Variants in DNAH9 observed in about 807,000 individuals in gnomAD.
DNAH9 encodes the protein DNAH9 variant protein.
DNAH9 carries 345 observed loss-of-function variants against 471.6 expected under a neutral mutation model. That is an observed-to-expected ratio of 0.73 (90% confidence interval 0.67 to 0.80). The LOEUF is 0.80. Ranked by LOEUF, DNAH9 falls within the 30% of genes least tolerant of loss-of-function variation. The pLI, the probability that DNAH9 is intolerant of heterozygous loss-of-function variation, is 0.00. For synonymous variants in DNAH9, 2,093 were observed against 2,123.6 expected (o/e 0.99, Z 0.40); for missense variants, 5,407 against 5,609.2 (o/e 0.96, Z 1.15).
intron 36 of DNAH9, among the ~76,000 whole-genome samples, chr17:11,764,350 C>T (rs1201659440): frequency 6.6e-6 from 1 of 152,152 alleles, no homozygotes. Context: ...CTATAACTGA[C>T]TCTAGCTATT....
chr17:11,790,410 T>G (rs1199573019), intron 41 of DNAH9, among the ~76,000 whole-genome samples: 1 of 152,048 alleles, frequency 6.6e-6, no homozygotes, highest in African/African-American at 2.4e-5. Context: ...GATCTTTTTC[T>G]TATTAAGTGC....
chr17:11,701,357 C>A, intron 24 of DNAH9, 110 bp downstream of exon 24: 2 of 1,252,818 alleles, frequency 1.6e-6, no homozygotes, highest in Non-Finnish European at 2.3e-6. Context: ...TGCTTCACAG[C>A]CAGGGAGGCT....
intron 59 of DNAH9, among the ~76,000 whole-genome samples, chr17:11,900,223 C>T (rs1174753464): frequency 2.0e-5 from 3 of 152,048 alleles, no homozygotes; most frequent in African/African-American, 7.2e-5. Flanking sequence ...CCACTCCACA[C>T]GACTTATCTG....
intron 53 of DNAH9, 65 bp downstream of exon 53, chr17:11,875,249 G>A: frequency 7.5e-7 from 1 of 1,338,736 alleles, no homozygotes; most frequent in Admixed American, 2.3e-5. Flanking sequence ...TAGATCATGA[G>A]CAGATTTTAA....
chr17:11,828,413 C>T (rs1970575820), intron 48 of DNAH9, among the ~76,000 whole-genome samples: 1 of 146,818 alleles, frequency 6.8e-6, no homozygotes, highest in Non-Finnish European at 1.5e-5. Flanking sequence ...GTGGAGGTTG[C>T]AGTGAGCTGA....
At position 11,629,411 on chromosome 17, in the gene DNAH9, C is replaced by G; in HGVS notation, c.1351-6C>G. ...ATTTTAACTTTTTTGTGAATTGTCC[C>G]CATAGGGTCTTCTGAAGACGGCCCT... On this transcript the variant is annotated splice_polypyrimidine_tract_variant and splice_region_variant and intron_variant, in intron 6 of 68. Coordinates refer to ENST00000262442, the MANE Select transcript of DNAH9 (RefSeq NM_001372.4). 6.2e-7 allele frequency: 1 copy of G among 1,613,152 alleles called. No homozygotes were observed. The highest frequency in any genetic ancestry group is 8.5e-7 in the Non-Finnish European group (1 of 1,179,386).
chr17:11,698,182 T>TTATA (rs1555568235), intron 22 of DNAH9, among the ~76,000 whole-genome samples: 33 of 120,326 alleles, frequency 2.7e-4, no homozygotes, highest in African/African-American at 7.2e-4. Flanking sequence ...TAATATATTA[T>TTATA]TATATTAATA....
At chr17:11,927,354 T>C (rs1974366490) in intron 62 of DNAH9, among the ~76,000 whole-genome samples, 2 of 152,244 alleles carry the variant, frequency 1.3e-5, no homozygotes, top group African/African-American at 2.4e-5. Context: ...CTGACTGATA[T>C]TGCTAGATTT....
At chr17:11,899,578 T>C (rs950159268) in intron 59 of DNAH9, among the ~76,000 whole-genome samples, 1 of 152,242 alleles carries the variant, frequency 6.6e-6, no homozygotes, top group African/African-American at 2.4e-5. Context: ...GTATTCAATC[T>C]AGAGCTTCAA....
intron 1 of DNAH9, 38 bp downstream of exon 1, chr17:11,598,953 G>T: frequency 7.0e-7 from 1 of 1,432,706 alleles, no homozygotes. Context: ...GCTAAAGCTG[G>T]GTGGGGGAGG....
chr17:11,643,998 A>T (rs1037956415), intron 10 of DNAH9, among the ~76,000 whole-genome samples: 5 of 152,190 alleles, frequency 3.3e-5, no homozygotes, highest in Middle Eastern at 3.2e-3. Context: ...ACAGGACTGG[A>T]AGTTGCTGTA....
chr17:11,955,703 A>C (rs1975608052), intron 67 of DNAH9, among the ~76,000 whole-genome samples: 1 of 152,218 alleles, frequency 6.6e-6, no homozygotes, highest in Non-Finnish European at 1.5e-5. Context: ...ACCCATGTAC[A>C]GGTTTCCATA....
chr17:11,882,365 T>C (rs1461972367), intron 55 of DNAH9, among the ~76,000 whole-genome samples: 1 of 152,166 alleles, frequency 6.6e-6, no homozygotes, highest in Admixed American at 6.5e-5. Flanking sequence ...GGCTTCAACA[T>C]AGGACTTTTA....
intron 67 of DNAH9, among the ~76,000 whole-genome samples, chr17:11,945,648 A>G (rs994764702): frequency 3.3e-5 from 5 of 152,072 alleles, no homozygotes; most frequent in African/African-American, 1.2e-4. Context: ...AAAAGGTGGG[A>G]AGGAAGGAGG....
In DNAH9 at chr17:11,598,575, G is replaced by C; in HGVS notation, c.77G>C (p.Arg26Pro). The change falls in exon 1 of 69, where the codon CGA (arginine) becomes CCA (proline). Residue 26 changes from arginine (R) to proline (P), a missense_variant. Physicochemically the swap from Arg to Pro is moderately radical, Grantham distance 103 (BLOSUM62 -2). This residue lies in a region of DNAH9 where 767 missense variants were observed against 692.5 expected (regional missense o/e 1.11). Transcript: ENST00000262442. ...GAACCCGGCGCCGACCGACGACTGC[G>C]ACTCCTGGGGACCTACGTGGCCATG... is the stretch of plus-strand genomic sequence containing the variant. ...DGEPGADRRLRLLGTYVAMSL... is the reference protein window; with the variant it reads ...DGEPGADRRLPLLGTYVAMSL... 7.2e-7 allele frequency: 1 copy of C among 1,393,478 alleles called. No individual in the cohort carries two copies. Among genetic ancestry groups the C allele is most frequent in the Non-Finnish European group, 9.2e-7 (1 of 1,081,136 alleles). The allele number at this position is 1,393,478 out of a possible 1,614,324, so 86.3% of individuals were successfully genotyped here.
chr17:11,686,499 G>A (rs1191226943), intron 19 of DNAH9, among the ~76,000 whole-genome samples: 10 of 152,028 alleles, frequency 6.6e-5, no homozygotes, highest in Admixed American at 3.9e-4. Context: ...GCACGTGGAC[G>A]AGGTCTATGA....
chr17:11,807,198 G>C (rs531268122), intron 43 of DNAH9, among the ~76,000 whole-genome samples: 1 of 152,238 alleles, frequency 6.6e-6, no homozygotes, highest in African/African-American at 2.4e-5. Flanking sequence ...TTGAAGAAGG[G>C]AGACAGAAGA....
chr17:11,848,470 C>G (rs923340351), intron 49 of DNAH9, among the ~76,000 whole-genome samples: 1 of 151,490 alleles, frequency 6.6e-6, no homozygotes, highest in Non-Finnish European at 1.5e-5. Flanking sequence ...ATCTCAAATA[C>G]TGATGATTGG....
intron 48 of DNAH9, among the ~76,000 whole-genome samples, chr17:11,833,357 G>A (rs12602487): frequency 0.29 from 43,868 of 152,136 alleles, 6,817 homozygotes; most frequent in Admixed American, 0.38. Flanking sequence ...ACAATCAAAG[G>A]CTATTTATTC....
Sources: gnomAD v4.1 joint callset for allele counts (sites outside exome capture counted in the v4.1 genomes callset) on GRCh38, gnomAD v4.1.1 for gene constraint, gnomAD v4.1.1 regional missense constraint, MANE v1.5 for transcripts, NCBI Gene and HGNC (gene_info 2026-07-23, HGNC 2026-07-21) for gene names.